The following CLIC5 variants were observed in gnomAD, a reference collection of about 807,000 sequenced individuals.
CLIC5 encodes the protein chloride intracellular channel protein 5.
CLIC5 carries 20 observed loss-of-function variants against 24.7 expected under a neutral mutation model. That is an observed-to-expected ratio of 0.81 (90% CI 0.57 to 1.18). CLIC5 has a LOEUF of 1.18. CLIC5 is among the 50% of genes most tolerant of loss of function. The probability of loss-of-function intolerance (pLI) is 0.00; values close to 1 mark genes in which losing one functional copy is unlikely to be tolerated. For synonymous variants in CLIC5, 159 were observed against 135.6 expected (o/e 1.17, Z -1.20); for missense variants, 341 against 326.1 (o/e 1.05, Z -0.35).
chr6:45,997,207 A>T (rs940614113), intron 1 of CLIC5, among the ~76,000 whole-genome samples: 2 of 151,086 alleles, frequency 1.3e-5, no homozygotes, highest in African/African-American at 4.9e-5. Flanking sequence ...CTTTGTAGGG[A>T]CATGGATGAA....
chr6:46,015,535 T>C lies in CLIC5; in HGVS notation c.8A>G (p.Asp3Gly). MT[D>G]SATANGDDRD... ...GTCGTCCCCGTTAGCTGTCGCCGAG[T>C]CTGTCATGCCGTTGGCGCCCGGGGC... The change falls in exon 1 of 6, where the codon GAC becomes GGC. Residue 3 changes from aspartate to glycine, a missense_variant. Transcript: ENST00000339561. The C allele has an allele frequency of 6.3e-7, 1 of 1,577,534 alleles. No homozygotes were observed. Among genetic ancestry groups the C allele is most frequent in the Non-Finnish European group, 8.6e-7 (1 of 1,163,352 alleles).
At chr6:46,018,803 G>C (rs1767091271), upstream of CLIC5, 1 of 152,176 alleles carries the variant, frequency 6.6e-6, no homozygotes. Context: ...GATTGGCATG[G>C]CTCCAATGAA....
At chr6:46,112,381 T>A in the CLIC5 span, among the ~76,000 whole-genome samples, 2 of 152,226 alleles carry the variant, frequency 1.3e-5, no homozygotes, top group African/African-American at 4.8e-5. Context: ...AGACCACCTT[T>A]GCTAGCTACT....
upstream of CLIC5, chr6:46,080,361 C>G (rs185507507): frequency 4.2e-3 from 2,998 of 722,260 alleles, 12 homozygotes; most frequent in Non-Finnish European, 5.9e-3. Context: ...AAGGCAGCAA[C>G]TAGCAACTGC....
chr6:45,944,805 G>A (rs1764239085), intron 3 of CLIC5, among the ~76,000 whole-genome samples: 2 of 152,112 alleles, frequency 1.3e-5, no homozygotes, highest in East Asian at 1.9e-4. Flanking sequence ...AAAGAAAGAC[G>A]GTCCTGATGG....
At chr6:45,908,443 C>T (rs1326097238) in intron 5 of CLIC5, among the ~76,000 whole-genome samples, 1 of 152,064 alleles carries the variant, frequency 6.6e-6, no homozygotes, top group Non-Finnish European at 1.5e-5. Flanking sequence ...ATTGCTTTTG[C>T]TACATCCTAG....
At chr6:46,033,238 C>T (rs886250842) in intron 1 of CLIC5, among the ~76,000 whole-genome samples, 1 of 151,676 alleles carries the variant, frequency 6.6e-6, no homozygotes, top group Non-Finnish European at 1.5e-5. Flanking sequence ...CCGCCCGCCT[C>T]GGCCTCCCAA....
intron 5 of CLIC5, among the ~76,000 whole-genome samples, chr6:45,906,711 C>A (rs183821756): frequency 6.6e-6 from 1 of 151,952 alleles, no homozygotes; most frequent in Non-Finnish European, 1.5e-5. Context: ...TACAGGCATG[C>A]GCCACCATGC....
chr6:46,039,390 T>TA (rs35899190), intron 1 of CLIC5, among the ~76,000 whole-genome samples: 1 of 151,572 alleles, frequency 6.6e-6, no homozygotes, highest in Non-Finnish European at 1.5e-5. Flanking sequence ...CTTATTACAT[T>TA]AAAAAAACCA....
At chr6:46,117,795 A>C in the CLIC5 span, among the ~76,000 whole-genome samples, 1 of 135,502 alleles carries the variant, frequency 7.4e-6, no homozygotes, top group African/African-American at 2.5e-5. Context: ...ATCTTATTTC[A>C]CTGATTCTAA....
At chr6:45,918,347 C>G (rs948438166) in intron 4 of CLIC5, among the ~76,000 whole-genome samples, 1 of 152,028 alleles carries the variant, frequency 6.6e-6, no homozygotes. Context: ...ATATTCTTAC[C>G]AGGGCATGGA....
upstream of CLIC5, among the ~76,000 whole-genome samples, chr6:46,020,814 G>A (rs1242498138): frequency 6.6e-6 from 1 of 151,824 alleles, no homozygotes; most frequent in Non-Finnish European, 1.5e-5. Flanking sequence ...ACATAAATTA[G>A]ACCATTTAGA....
intron 1 of CLIC5, among the ~76,000 whole-genome samples, chr6:45,979,720 A>G (rs1214122947): frequency 6.6e-6 from 1 of 152,220 alleles, no homozygotes; most frequent in Non-Finnish European, 1.5e-5. Flanking sequence ...ATTGTTCATT[A>G]TATTTTTGAG....
the CLIC5 span, among the ~76,000 whole-genome samples, chr6:46,092,754 GTTTC>G: frequency 6.6e-6 from 1 of 152,010 alleles, no homozygotes; most frequent in Non-Finnish European, 1.5e-5. Context: ...GTTGTTCTCA[GTTTC>G]TTTATTATTG....
intron 1 of CLIC5, among the ~76,000 whole-genome samples, chr6:46,034,237 G>A (rs182662976): frequency 6.4e-4 from 98 of 152,264 alleles, no homozygotes; most frequent in African/African-American, 2.3e-3. Context: ...TGATTTCATT[G>A]GTCTGGCATG....
the CLIC5 span, among the ~76,000 whole-genome samples, chr6:46,113,151 G>A: frequency 5.3e-5 from 8 of 152,102 alleles, no homozygotes; most frequent in African/African-American, 1.4e-4. Context: ...TGGGAAATAC[G>A]CAACTACTCA....
chr6:45,887,315 A>G (rs1045254541), intron 6 of CLIC5, among the ~76,000 whole-genome samples: 1 of 152,106 alleles, frequency 6.6e-6, no homozygotes, highest in Non-Finnish European at 1.5e-5. Flanking sequence ...TCTAGGGGAG[A>G]ATCCTTGTCT....
At chr6:46,045,397 G>A (rs548067520) in intron 1 of CLIC5, among the ~76,000 whole-genome samples, 110 of 151,960 alleles carry the variant, frequency 7.2e-4, no homozygotes, top group Non-Finnish European at 1.4e-3. Flanking sequence ...TTTGCAATGT[G>A]GGAACTGCCT....
At chr6:45,933,474 A>C (rs1200548675) in intron 4 of CLIC5, among the ~76,000 whole-genome samples, 1 of 152,242 alleles carries the variant, frequency 6.6e-6, no homozygotes, top group East Asian at 1.9e-4. Flanking sequence ...CTGCAGTTAC[A>C]ACTGATGAAG....
Sources: allele counts gnomAD v4.1 joint callset (sites outside exome capture counted in the v4.1 genomes callset), GRCh38; gene constraint gnomAD v4.1.1; transcripts MANE v1.5; gene names NCBI Gene and HGNC (gene_info 2026-07-23, HGNC 2026-07-21).